HS3ST2: variants seen among roughly 807,000 people sequenced by gnomAD.
HS3ST2 encodes the protein heparan sulfate glucosamine 3-O-sulfotransferase 2.
A neutral mutation model predicts 26.3 loss-of-function variants in HS3ST2; 17 were observed. That is an observed-to-expected ratio of 0.65 (90% CI 0.44 to 0.97). The LOEUF is 0.97. HS3ST2 is among the 50% of genes least tolerant of loss of function. HS3ST2 has a pLI of 0.00. For synonymous variants in HS3ST2, 237 were observed against 219.2 expected (o/e 1.08, Z -0.72); for missense variants, 402 against 501.2 (o/e 0.80, Z 1.89).
At chr16:22,864,855 A>G (rs78893960) in intron 1 of HS3ST2, among the ~76,000 whole-genome samples, 4,765 of 142,886 alleles carry the variant, frequency 0.033, 138 homozygotes, top group East Asian at 0.11. Context: ...AGAGCAGCCT[A>G]GGCAACATAG....
At chr16:22,891,815 C>T (rs1902133929) in intron 1 of HS3ST2, among the ~76,000 whole-genome samples, 1 of 152,156 alleles carries the variant, frequency 6.6e-6, no homozygotes. Flanking sequence ...ACCTGATTTT[C>T]TCTTTGAGGT....
rs1224123642 is a variant in HS3ST2 at position 22,814,303 on chromosome 16, G to C, written c.-308G>C. 2 of 289,902 alleles carry C rather than the reference G, an allele frequency of 6.9e-6. No homozygotes were observed. The highest frequency in any genetic ancestry group is 1.2e-4 in the East Asian group (2 of 17,330). 18.0% of individuals were successfully genotyped at this position (289,902 alleles called of 1,614,324 possible). A position where few individuals can be genotyped will look rare whatever the true frequency, so the allele number is the denominator to read the frequency against. On this transcript the variant is annotated 5_prime_UTR_variant, in exon 1 of 2. Coordinates refer to ENST00000261374, the MANE Select transcript of HS3ST2 (RefSeq NM_006043.2). ...GAATGGGGCTTCGGGCGCTGGGCGC[G>C]CTCCGAACCCGGCGCACGTAAGAGC... is the stretch of plus-strand genomic sequence containing the variant.
chr16:22,863,954 C>T (rs1199605208), intron 1 of HS3ST2, among the ~76,000 whole-genome samples: 2 of 152,236 alleles, frequency 1.3e-5, no homozygotes, highest in Non-Finnish European at 2.9e-5. Flanking sequence ...GTTCGAGTGA[C>T]AGAAAACCTC....
At chr16:22,855,698 C>CTCTCTCTCTCTG (rs1901584119) in intron 1 of HS3ST2, among the ~76,000 whole-genome samples, 1 of 126,864 alleles carries the variant, frequency 7.9e-6, no homozygotes, top group Non-Finnish European at 1.8e-5. Context: ...GTCTCTCTGT[C>CTCTCTCTCTCTG]TCTCTCTCTC....
At chr16:22,891,546 A>T (rs1384334429) in intron 1 of HS3ST2, among the ~76,000 whole-genome samples, 1 of 152,234 alleles carries the variant, frequency 6.6e-6, no homozygotes, top group Non-Finnish European at 1.5e-5. Flanking sequence ...ATTTCCAAGG[A>T]TTAACATTAC....
At chr16:22,859,556 C>T (rs1461343945) in intron 1 of HS3ST2, among the ~76,000 whole-genome samples, 1 of 152,192 alleles carries the variant, frequency 6.6e-6, no homozygotes, top group African/African-American at 2.4e-5. Flanking sequence ...TAACAATCCA[C>T]TGTGCCCACT....
At chr16:22,847,359 C>T (rs1901449789) in intron 1 of HS3ST2, among the ~76,000 whole-genome samples, 1 of 152,136 alleles carries the variant, frequency 6.6e-6, no homozygotes, top group Non-Finnish European at 1.5e-5. Flanking sequence ...ATATATACCA[C>T]ACCTTCTTTA....
At chr16:22,820,635 G>T (rs774544408) in intron 1 of HS3ST2, among the ~76,000 whole-genome samples, 1 of 152,224 alleles carries the variant, frequency 6.6e-6, no homozygotes, top group Admixed American at 6.5e-5. Context: ...AACAGTATGC[G>T]GGAAACCGCC....
chr16:22,815,253 G>C (rs1900847002), intron 1 of HS3ST2, among the ~76,000 whole-genome samples, 158 bp downstream of exon 1: 1 of 151,950 alleles, frequency 6.6e-6, no homozygotes, highest in African/African-American at 2.4e-5. Flanking sequence ...AATTTACCCA[G>C]AACTTCCCAG....
chr16:22,826,341 A>G (rs1397544314), intron 1 of HS3ST2, among the ~76,000 whole-genome samples: 3 of 152,050 alleles, frequency 2.0e-5, no homozygotes, highest in Non-Finnish European at 2.9e-5. Context: ...CTTCCCCCAG[A>G]GCATCTCAGG....
chr16:22,856,582 C>A (rs910712149), intron 1 of HS3ST2, among the ~76,000 whole-genome samples: 10 of 152,202 alleles, frequency 6.6e-5, no homozygotes, highest in African/African-American at 2.4e-4. Flanking sequence ...AGAAACCCAA[C>A]TCTCCCCTCC....
At chr16:22,864,094 T>A (rs991921391) in intron 1 of HS3ST2, among the ~76,000 whole-genome samples, 9 of 152,290 alleles carry the variant, frequency 5.9e-5, no homozygotes, top group East Asian at 5.8e-4. Context: ...GACAATTGGA[T>A]CTTTTGGATT....
chr16:22,875,192 G>T (rs571515577), intron 1 of HS3ST2, among the ~76,000 whole-genome samples: 4 of 152,004 alleles, frequency 2.6e-5, no homozygotes, highest in Non-Finnish European at 5.9e-5. Context: ...TAGAAAAATG[G>T]TTATAAAGAT....
chr16:22,884,439 T>C (rs1902032413), intron 1 of HS3ST2, among the ~76,000 whole-genome samples: 1 of 152,148 alleles, frequency 6.6e-6, no homozygotes, highest in Non-Finnish European at 1.5e-5. Context: ...TTTACAATAG[T>C]TTACGGAGAG....
intron 1 of HS3ST2, among the ~76,000 whole-genome samples, chr16:22,822,965 A>C (rs1283532759): frequency 1.3e-5 from 2 of 152,208 alleles, no homozygotes; most frequent in African/African-American, 4.8e-5. Context: ...CTCGTCTTTC[A>C]GCCAAGAAGT....
intron 1 of HS3ST2, among the ~76,000 whole-genome samples, chr16:22,893,917 G>T (rs1280944318): frequency 1.3e-5 from 2 of 152,052 alleles, no homozygotes; most frequent in Non-Finnish European, 1.5e-5. Flanking sequence ...CTCCCAAGCA[G>T]CTGGGACCAC....
At chr16:22,835,198 T>G (rs902755625) in intron 1 of HS3ST2, among the ~76,000 whole-genome samples, 1 of 152,132 alleles carries the variant, frequency 6.6e-6, no homozygotes, top group Non-Finnish European at 1.5e-5. Context: ...TTGTTTATTT[T>G]TTCTTCTCCT....
At chr16:22,895,571 T>C (rs1278714743) in intron 1 of HS3ST2, among the ~76,000 whole-genome samples, 1 of 152,194 alleles carries the variant, frequency 6.6e-6, no homozygotes, top group African/African-American at 2.4e-5. Context: ...CTCTGTATTC[T>C]GGGGTGGTCG....
intron 1 of HS3ST2, among the ~76,000 whole-genome samples, chr16:22,864,311 A>G (rs1329942670): frequency 2.0e-5 from 3 of 152,216 alleles, no homozygotes; most frequent in East Asian, 1.9e-4. Flanking sequence ...AGGCAGAAAG[A>G]GGGTTGATTA....
Sources: gnomAD v4.1 joint callset for allele counts (sites outside exome capture counted in the v4.1 genomes callset) on GRCh38, gnomAD v4.1.1 for gene constraint, MANE v1.5 for transcripts, NCBI Gene and HGNC (gene_info 2026-07-23, HGNC 2026-07-21) for gene names.